The following OSMR variants were observed in gnomAD, a reference collection of about 807,000 sequenced individuals.
The protein encoded by OSMR is oncostatin M receptor, also known as oncostatin-M-specific receptor subunit beta.
Under a neutral mutation model 99.9 loss-of-function variants are expected in OSMR, and 81 were observed. The ratio of observed to expected loss-of-function variants is 0.81; its 90% CI spans 0.68 to 0.97. OSMR has a LOEUF of 0.97. OSMR is among the 50% of genes least tolerant of loss of function. The pLI is 0.00. For synonymous variants in OSMR, 406 were observed against 410.4 expected, an observed-to-expected ratio of 0.99 and a Z score of 0.13; for missense variants, 1,099 against 1,153.4, an observed-to-expected ratio of 0.95 and a Z score of 0.68.
chr5:38,869,396 G>A (rs960079265), intron 2 of OSMR, among the ~76,000 whole-genome samples: 3 of 152,110 alleles, frequency 2.0e-5, no homozygotes, highest in Non-Finnish European at 4.4e-5. Context: ...TAATCCCATA[G>A]AATTTCATGA....
intron 2 of OSMR, 110 bp from the exon 3 acceptor site, chr5:38,876,091 A>G: frequency 1.3e-6 from 2 of 1,491,994 alleles, no homozygotes; most frequent in Non-Finnish European, 9.0e-7. Flanking sequence ...TGCACATATG[A>G]GCAATATTTT....
chr5:38,918,769 A>G (rs1254808147), intron 10 of OSMR, 71 bp from the exon 11 acceptor site: 6 of 1,584,890 alleles, frequency 3.8e-6, no homozygotes, highest in South Asian at 1.1e-5. Context: ...GACAGAAAAG[A>G]TGAAAAAGGA....
At chr5:38,929,283 T>G (rs1176897396) in intron 15 of OSMR, among the ~76,000 whole-genome samples, 3 of 152,220 alleles carry the variant, frequency 2.0e-5, no homozygotes, top group African/African-American at 7.2e-5. Context: ...TCTGTTGGTA[T>G]TTTTCAAAAT....
chr5:38,894,433 C>T (rs937735583), intron 7 of OSMR, among the ~76,000 whole-genome samples: 3 of 151,968 alleles, frequency 2.0e-5, no homozygotes, highest in African/African-American at 7.2e-5. Flanking sequence ...ACCAATCTGT[C>T]TGCTATCTTC....
intron 16 of OSMR, 36 bp from the exon 17 acceptor site, chr5:38,932,427 T>C (rs1215268184): frequency 1.3e-6 from 2 of 1,496,104 alleles, no homozygotes; most frequent in Admixed American, 3.3e-5. Flanking sequence ...TCCACTGTAC[T>C]GTGAAATTCA....
At chr5:38,936,238 TCA>T (rs1747031533), downstream of OSMR, among the ~76,000 whole-genome samples, 1 of 152,084 alleles carries the variant, frequency 6.6e-6, no homozygotes, top group Non-Finnish European at 1.5e-5. Flanking sequence ...CGCTTTCTCC[TCA>T]CATTGTTTTG....
intron 11 of OSMR, among the ~76,000 whole-genome samples, chr5:38,919,992 T>G (rs532446681): frequency 2.0e-5 from 3 of 152,374 alleles, no homozygotes; most frequent in Non-Finnish European, 4.4e-5. Flanking sequence ...CTCTGCTTTC[T>G]GAAGAACTAT....
chr5:38,853,011 G>A lies in OSMR; in HGVS notation c.-14+6624G>A, dbSNP rs12653053. On this transcript the variant is annotated intron_variant, in intron 1 of 17. Coordinates refer to ENST00000274276, the MANE Select transcript of OSMR (RefSeq NM_003999.3). Reference sequence around the variant, plus strand: ...CTCCCAAAGTGCTGGGATTACAGGCGTGAGCCACCGCGCCCGGCCCTATTG... The same window carrying A: ...CTCCCAAAGTGCTGGGATTACAGGCATGAGCCACCGCGCCCGGCCCTATTG... Among the ~76,000 whole-genome samples, 2,163 of 152,182 alleles carry A rather than the reference G, an allele frequency of 0.014. 78 individuals carry two copies. The East Asian group carries it at 0.15, about 10-fold the overall frequency.
intron 1 of OSMR, among the ~76,000 whole-genome samples, chr5:38,855,196 C>T (rs897916307): frequency 6.6e-6 from 1 of 152,186 alleles, no homozygotes; most frequent in Non-Finnish European, 1.5e-5. Context: ...GGAGGGGCCA[C>T]AGTAGAGGGT....
At chr5:38,862,204 G>A (rs538793084) in intron 1 of OSMR, among the ~76,000 whole-genome samples, 3 of 113,654 alleles carry the variant, frequency 2.6e-5, no homozygotes, top group East Asian at 3.9e-4. Flanking sequence ...GGGCAGAGGC[G>A]CCCCTCACCT....
intron 15 of OSMR, among the ~76,000 whole-genome samples, chr5:38,926,381 G>C (rs942732437): frequency 6.6e-6 from 1 of 152,208 alleles, no homozygotes; most frequent in Admixed American, 6.5e-5. Context: ...CTGCCTGAGA[G>C]GGGGTAATTT....
At position 38,903,970 on chromosome 5, in the gene OSMR, T is replaced by C. The variant is rs762668918; in HGVS notation, c.1080T>C (p.Asn360=). ...IMTWKVHSIR[N]NFTYLCQIEL... is the part of the protein sequence containing the mutation. ...CCTGGAAGGTGCACTCCATAAGGAATAATTTCACATATTTGTGTCAGATTG... is the reference window on the plus strand; with the variant it reads ...CCTGGAAGGTGCACTCCATAAGGAACAATTTCACATATTTGTGTCAGATTG... Residue 360 remains asparagine (N), a synonymous_variant, in exon 8 of 18, where the codon AAT becomes AAC. Coordinates refer to ENST00000274276, the MANE Select transcript of OSMR (RefSeq NM_003999.3). The C allele has an allele frequency of 2.5e-6, 4 of 1,613,924 alleles. No homozygotes were observed. The East Asian group carries it at 8.9e-5, about 36-fold the overall frequency.
At chr5:38,879,035 C>A (rs1561358566) in intron 3 of OSMR, among the ~76,000 whole-genome samples, 1 of 152,230 alleles carries the variant, frequency 6.6e-6, no homozygotes, top group Non-Finnish European at 1.5e-5. Flanking sequence ...ATAGGGTATT[C>A]TACACACGGG....
Position 38,924,412 on chromosome 5 carries a change from C to A in OSMR, c.1871-10C>A. 1 of 1,614,120 alleles carries A rather than the reference C, an allele frequency of 6.2e-7. No homozygotes were observed. Among genetic ancestry groups the A allele is most frequent in the Middle Eastern group, 1.6e-4 (1 of 6,062 alleles). On this transcript the variant is annotated splice_polypyrimidine_tract_variant and intron_variant, in intron 13 of 17. Transcript: ENST00000274276. ...CATGACTTTTCTCTTATCCCAACTT[C>A]TTTTCCTAGCTCCTTCAGACAACCC...
intron 7 of OSMR, among the ~76,000 whole-genome samples, chr5:38,890,350 G>A (rs895575823): frequency 2.0e-5 from 3 of 152,172 alleles, no homozygotes; most frequent in Non-Finnish European, 4.4e-5. Flanking sequence ...AAATTTTTAT[G>A]CCAGGCAGAA....
Position 38,934,800 on chromosome 5 carries a change from C to T in OSMR, c.*1356C>T, listed in dbSNP as rs1746940603. 6.7e-6 allele frequency: 1 copy of T among 149,246 alleles called. No homozygotes were observed. Among genetic ancestry groups the T allele is most frequent in the Non-Finnish European group, 1.5e-5 (1 of 67,218 alleles). The allele number at this position is 149,246 out of a possible 1,614,324, so 9.2% of individuals were successfully genotyped here. On this transcript the variant is annotated 3_prime_UTR_variant, in exon 18 of 18. Transcript: ENST00000274276. ...GATTACAGGTGTGAGCCACCATGCC[C>T]AGCCTATTTGTCACATTATTTGTCA...
At chr5:38,911,119 G>A (rs1054538990) in intron 9 of OSMR, among the ~76,000 whole-genome samples, 4 of 151,906 alleles carry the variant, frequency 2.6e-5, no homozygotes, top group African/African-American at 7.3e-5. Flanking sequence ...AAATTGAGAT[G>A]CAAAAAACTA....
chr5:38,922,158 G>A (rs1746265762), intron 12 of OSMR, among the ~76,000 whole-genome samples: 2 of 152,164 alleles, frequency 1.3e-5, no homozygotes, highest in African/African-American at 4.8e-5. Flanking sequence ...TAGTTGATGA[G>A]AATCGATCAT....
intron 1 of OSMR, among the ~76,000 whole-genome samples, chr5:38,857,978 A>C (rs1459482541): frequency 6.6e-6 from 1 of 152,174 alleles, no homozygotes; most frequent in African/African-American, 2.4e-5. Flanking sequence ...TCTTCCAGCT[A>C]TCTTTTAGAA....
Sources: gnomAD v4.1 joint callset for allele counts (sites outside exome capture counted in the v4.1 genomes callset) on GRCh38, gnomAD v4.1.1 for gene constraint, MANE v1.5 for transcripts, NCBI Gene and HGNC (gene_info 2026-07-23, HGNC 2026-07-21) for gene names.